The following EIF4G1 variants were observed in gnomAD, a reference collection of about 807,000 sequenced individuals.
EIF4G1 encodes eukaryotic translation initiation factor 4 gamma 1.
In EIF4G1, 4 loss-of-function variants were observed where a neutral mutation model predicts 187.8. The ratio of observed to expected loss-of-function variants is 0.02; its 90% CI spans 0.01 to 0.05. EIF4G1 has a LOEUF of 0.05. Among genes scored for constraint, EIF4G1 ranks in the 10% least tolerant of loss-of-function variants. The pLI is 1.00. For missense variants in EIF4G1, 1,647 were observed against 2,081.1 expected, an observed-to-expected ratio of 0.79 and a Z score of 4.06; for synonymous variants, 844 against 781.4, an observed-to-expected ratio of 1.08 and a Z score of -1.34.
Position 184,325,192 on chromosome 3 carries a change from G to A in EIF4G1, c.2857-77G>A, listed in dbSNP as rs961689366. 12 of 1,603,574 alleles carry A rather than the reference G, an allele frequency of 7.5e-6. No homozygotes were observed. The highest frequency in any genetic ancestry group is 1.0e-5 in the Non-Finnish European group (12 of 1,170,516). ...CTGAGCCCACAATGATGGGGCGGAA[G>A]GCCTGAGGAGGGGTGGGGCCTGCAG... On this transcript the variant is annotated intron_variant, in intron 18 of 32. Coordinates refer to ENST00000346169, the MANE Select transcript of EIF4G1 (RefSeq NM_198241.3). The surrounding 1 kb of genome is among the most constrained non-coding windows in gnomAD (Gnocchi z 5.2).
chr3:184,321,833 C>A lies in EIF4G1; in HGVS notation c.1249C>A (p.Pro417Thr). The A allele has an allele frequency of 6.2e-7, 1 of 1,614,160 alleles. No homozygotes were observed. Among genetic ancestry groups the A allele is most frequent in the Non-Finnish European group, 8.5e-7 (1 of 1,180,038 alleles). Reference protein sequence around the residue: ...APSPPAVDLSPVSEPEEQAKE... With the variant: ...APSPPAVDLSTVSEPEEQAKE... ...CTCGCCACCAGCTGTGGACTTAAGC[C>A]CAGTCAGTGAGCCAGAGGAGCAGGC... Residue 417 changes from proline (P) to threonine (T), a missense_variant, in exon 10 of 33, where the codon CCA becomes ACA. Pro to Thr is a conservative substitution (Grantham distance 38). Around this residue, in one of 11 missense-constraint regions of EIF4G1, gnomAD observed 522 missense variants for 485.2 expected, o/e 1.08. Transcript: ENST00000346169.
rs370799732 is a variant in EIF4G1 at position 184,323,729 on chromosome 3, A to G, written c.2275-51A>G. 209 of 1,612,032 alleles carry G rather than the reference A, an allele frequency of 1.3e-4. No homozygotes were observed. In the African/African-American group the frequency reaches 2.5e-3, roughly 19 times the overall value. ...CCCACCACCCTCTCCTGTCCCTCCC[A>G]ACAGCCTGTTCTGAGACCCTCACTG... On this transcript the variant is annotated intron_variant, in intron 15 of 32. Transcript: ENST00000346169. The surrounding 1 kb of genome is among the most constrained non-coding windows in gnomAD (Gnocchi z 6.9).
At chr3:184,318,258 G>A (rs1475321789) in intron 6 of EIF4G1, among the ~76,000 whole-genome samples, 1 of 152,200 alleles carries the variant, frequency 6.6e-6, no homozygotes, top group Non-Finnish European at 1.5e-5. Flanking sequence ...TCTCATACAT[G>A]TATGTTTTTG....
chr3:184,322,724 A>G lies in EIF4G1; in HGVS notation c.1789A>G (p.Lys597Glu). Residue 597 changes from lysine to glutamate, a missense_variant, in exon 12 of 33, where the codon AAG becomes GAG. By Grantham distance (56) the Lys-to-Glu change is moderately conservative. Transcript: ENST00000346169. ...GCCCGGGGAACAGAAGTATGAATAT[A>G]AGTCAGGTATGCTGAAGAAAGGGTT... ...IQPGEQKYEYKSDQWKPLNLE... is the reference protein window; with the variant it reads ...IQPGEQKYEYESDQWKPLNLE... 2 of 1,614,234 alleles carry G rather than the reference A, an allele frequency of 1.2e-6. No individual in the cohort carries two copies. The highest frequency in any genetic ancestry group is 1.7e-6 in the Non-Finnish European group (2 of 1,180,048).
At chr3:184,320,512 C>A in intron 7 of EIF4G1, 118 bp from the exon 8 acceptor site, 2 of 1,576,946 alleles carry the variant, frequency 1.3e-6, no homozygotes, top group South Asian at 2.3e-5. Context: ...GTTTCTGGCA[C>A]CTACCTACCT....
intron 3 of EIF4G1, 35 bp downstream of exon 3, chr3:184,315,891 G>A (rs1408339312): frequency 6.5e-7 from 1 of 1,539,430 alleles, no homozygotes; most frequent in East Asian, 2.5e-5. Context: ...GTGGGGGTGG[G>A]GGAGACCAGG....
rs952864892 is a variant in EIF4G1, at chr3:184,319,708, C to G, written c.444C>G (p.Ala148=). 8.7e-6 allele frequency: 14 copies of G among 1,601,860 alleles called. No individual in the cohort carries two copies. The highest frequency in any genetic ancestry group is 1.2e-5 in the Non-Finnish European group (14 of 1,174,554). Residue 148 remains alanine, a synonymous_variant, in exon 7 of 33, where the codon GCC becomes GCG. Coordinates refer to ENST00000346169, the MANE Select transcript of EIF4G1 (RefSeq NM_198241.3). ...FGTYAGAYYP[A]QGVQQFPTGV... ...CCCAAGCTGGCGCCTACTATCCAGC[C>G]CAAGGGGTGCAGCAGTTTCCCACTG...
chr3:184,333,398 A>C (rs1449764640), intron 32 of EIF4G1, among the ~76,000 whole-genome samples: 6 of 152,152 alleles, frequency 3.9e-5, no homozygotes, highest in Admixed American at 2.0e-4. Context: ...ACTCATGTGC[A>C]AGTCATAAGA....
intron 4 of EIF4G1, 93 bp from the exon 5 acceptor site, chr3:184,317,228 C>A: frequency 6.9e-7 from 1 of 1,449,362 alleles, no homozygotes; most frequent in Non-Finnish European, 9.7e-7. Flanking sequence ...GCCCACAGTA[C>A]TTCTTTCCAG....
intron 6 of EIF4G1, among the ~76,000 whole-genome samples, chr3:184,318,133 G>A (rs1723106400): frequency 6.6e-6 from 1 of 152,092 alleles, no homozygotes; most frequent in Non-Finnish European, 1.5e-5. Flanking sequence ...TGCAAATTTG[G>A]GAGGTTTTTG....
In EIF4G1 at chr3:184,325,815, A is replaced by G. The variant is rs754709304; in HGVS notation, c.3122-36A>G. On this transcript the variant is annotated intron_variant, in intron 20 of 32. Transcript: ENST00000346169. The surrounding 1 kb of genome is among the most constrained non-coding windows in gnomAD (Gnocchi z 5.2). Reference sequence around the variant, plus strand: ...CAAGGGGAAGGGGCTGCTAGGATTTATTCATTATTCCAGTATGCCCCTCTT... The same window carrying G: ...CAAGGGGAAGGGGCTGCTAGGATTTGTTCATTATTCCAGTATGCCCCTCTT... The G allele has an allele frequency of 1.2e-6, 2 of 1,613,676 alleles. No individual in the cohort carries two copies. The highest frequency in any genetic ancestry group is 2.2e-5 in the South Asian group (2 of 91,064).
chr3:184,333,525 G>A (rs1304846818), intron 32 of EIF4G1, among the ~76,000 whole-genome samples: 1 of 152,152 alleles, frequency 6.6e-6, no homozygotes, highest in African/African-American at 2.4e-5. Flanking sequence ...CAAGGACAGA[G>A]AAATTTGAGG....
intron 6 of EIF4G1, chr3:184,319,373 A>G (rs1006255795): frequency 4.7e-6 from 2 of 421,228 alleles, no homozygotes; most frequent in African/African-American, 2.0e-5. Context: ...AAGGACAGAC[A>G]TAAGTCCTCC....
At position 184,322,448 on chromosome 3, in the gene EIF4G1, G is replaced by A. The variant is rs1272153665; in HGVS notation, c.1606G>A (p.Glu536Lys). The A allele has an allele frequency of 6.2e-7, 1 of 1,614,162 alleles. No individual in the cohort carries two copies. Among genetic ancestry groups the A allele is most frequent in the South Asian group, 1.1e-5 (1 of 91,086 alleles). The change falls in exon 11 of 33, where the codon GAG (glutamate) becomes AAG (lysine). Residue 536 changes from glutamate (E) to lysine (K), a missense_variant and splice_region_variant. Physicochemically the swap from Glu to Lys is moderately conservative, Grantham distance 56. Transcript: ENST00000346169. ...AVGDLLDAFKEANPAVPEVEN... is the reference protein window; with the variant it reads ...AVGDLLDAFKKANPAVPEVEN... ...TGGAGACCTTCTGGATGCCTTCAAG[G>A]AGGTAAGGGAGCAGAAAATGGGAGG...
chr3:184,321,834 C>T lies in EIF4G1; in HGVS notation c.1250C>T (p.Pro417Leu). The T allele has an allele frequency of 6.2e-7, 1 of 1,614,170 alleles. No homozygotes were observed. The highest frequency in any genetic ancestry group is 1.7e-5 in the Admixed American group (1 of 60,024). Residue 417 changes from proline to leucine, a missense_variant, in exon 10 of 33, where the codon CCA becomes CTA. By Grantham distance (98) the Pro-to-Leu change is moderately conservative. Around this residue, in one of 11 missense-constraint regions of EIF4G1, gnomAD observed 522 missense variants for 485.2 expected, o/e 1.08. Coordinates refer to ENST00000346169, the MANE Select transcript of EIF4G1 (RefSeq NM_198241.3). ...APSPPAVDLSPVSEPEEQAKE... is the reference protein window; with the variant it reads ...APSPPAVDLSLVSEPEEQAKE... ...TCGCCACCAGCTGTGGACTTAAGCCCAGTCAGTGAGCCAGAGGAGCAGGCC... is the reference window on the plus strand; with the variant it reads ...TCGCCACCAGCTGTGGACTTAAGCCTAGTCAGTGAGCCAGAGGAGCAGGCC...
chr3:184,315,253 C>T (rs866664732), intron 1 of EIF4G1: 3 of 434,668 alleles, frequency 6.9e-6, no homozygotes, highest in Non-Finnish European at 1.4e-5. Flanking sequence ...CACTCCTGGG[C>T]GGCGGCAGGC....
rs746381416 is a variant in EIF4G1, at chr3:184,322,568, G to A, written c.1633G>A (p.Glu545Lys). 4.3e-6 allele frequency: 7 copies of A among 1,614,184 alleles called. No individual in the cohort carries two copies. The highest frequency in any genetic ancestry group is 5.9e-6 in the Non-Finnish European group (7 of 1,180,046). The change falls in exon 12 of 33, where the codon GAA becomes AAA. Residue 545 changes from glutamate (E) to lysine (K), a missense_variant. Glu to Lys is a moderately conservative substitution (Grantham distance 56). This residue lies in a region of EIF4G1 where 522 missense variants were observed against 485.2 expected (regional missense o/e 1.08). Coordinates refer to ENST00000346169, the MANE Select transcript of EIF4G1 (RefSeq NM_198241.3). The part of the protein sequence containing the change: ...KEANPAVPEV[E>K]NQPPAGSNPG... ...GGCGAACCCGGCAGTACCAGAGGTGGAAAATCAGCCTCCTGCAGGCAGCAA... is the reference window on the plus strand; with the variant it reads ...GGCGAACCCGGCAGTACCAGAGGTGAAAAATCAGCCTCCTGCAGGCAGCAA...
Position 184,323,906 on chromosome 3 carries a change from A to G in EIF4G1, c.2401A>G (p.Ile801Val), listed in dbSNP as rs759623804. Residue 801 changes from isoleucine to valine, a missense_variant, in exon 16 of 33, where the codon ATT becomes GTT. Ile to Val is a conservative substitution (Grantham distance 29). Around this residue, in one of 11 missense-constraint regions of EIF4G1, gnomAD observed 36 missense variants for 87.6 expected, o/e 0.41. Coordinates refer to ENST00000346169, the MANE Select transcript of EIF4G1 (RefSeq NM_198241.3). This position sits in a 1 kb window ranked among gnomAD's most constrained non-coding sequence, Gnocchi z 6.9. ...EERLKGVIDL[I>V]FEKAISEPNF... ...ACGCCTCAAAGGGGTCATTGACCTC[A>G]TTTTTGAGAAGGCCATTTCAGAGCC... 1.2e-6 allele frequency: 2 copies of G among 1,614,124 alleles called. No individual in the cohort carries two copies. Among genetic ancestry groups the G allele is most frequent in the Non-Finnish European group, 8.5e-7 (1 of 1,180,024 alleles).
At position 184,320,863 on chromosome 3, in the gene EIF4G1, G is replaced by A. The variant is rs781034673; in HGVS notation, c.631-64G>A. The A allele has an allele frequency of 5.6e-6, 9 of 1,609,704 alleles. No individual in the cohort carries two copies. In the East Asian group the frequency reaches 2.0e-4, roughly 36 times the overall value. On this transcript the variant is annotated intron_variant, in intron 8 of 32. Coordinates refer to ENST00000346169, the MANE Select transcript of EIF4G1 (RefSeq NM_198241.3). ...TCTAGGCAGAGCTAAAGTAGAAATG[G>A]CTCTAGTAAAGAAGGGTTGTGGGAC...
Sources: gnomAD v4.1 joint callset for allele counts (sites outside exome capture counted in the v4.1 genomes callset) on GRCh38, gnomAD v4.1.1 for gene constraint, gnomAD v4.1.1 regional missense constraint, Gnocchi (gnomAD v3.1) non-coding constraint, MANE v1.5 for transcripts, NCBI Gene and HGNC (gene_info 2026-07-23, HGNC 2026-07-21) for gene names.